The following SGCZ variants were observed in gnomAD, a reference collection of about 807,000 sequenced individuals.
The protein encoded by SGCZ is zeta-sarcoglycan.
In SGCZ, 40 loss-of-function variants were observed where a neutral mutation model predicts 41.3. The observed-to-expected ratio is 0.97, with a 90% confidence interval of 0.75 to 1.26. The LOEUF (loss-of-function observed/expected upper bound fraction) is 1.26. Among genes scored for constraint, SGCZ ranks in the 50% most tolerant of loss-of-function variants. The probability of loss-of-function intolerance (pLI) is 0.00; values close to 1 mark genes in which losing one functional copy is unlikely to be tolerated. For missense variants in SGCZ, 552 were observed against 369.8 expected, an observed-to-expected ratio of 1.49 and a Z score of -4.04; for synonymous variants, 206 against 137.5, an observed-to-expected ratio of 1.50 and a Z score of -3.49.
At chr8:14,887,924 C>G (rs12675317) in intron 1 of SGCZ, among the ~76,000 whole-genome samples, 2 of 152,064 alleles carry the variant, frequency 1.3e-5, no homozygotes, top group East Asian at 3.9e-4. Context: ...AAACTGGGAT[C>G]TGAGGGAAAT....
intron 2 of SGCZ, among the ~76,000 whole-genome samples, chr8:14,496,999 A>T (rs910474463): frequency 1.3e-5 from 2 of 152,176 alleles, no homozygotes; most frequent in African/African-American, 4.8e-5. Flanking sequence ...AAATGAACCC[A>T]CCACATTTTC....
At chr8:14,462,735 T>C (rs1225597947) in intron 2 of SGCZ, among the ~76,000 whole-genome samples, 1 of 151,758 alleles carries the variant, frequency 6.6e-6, no homozygotes, top group Non-Finnish European at 1.5e-5. Flanking sequence ...TTTAGGATTT[T>C]GTTTTCTATT....
chr8:14,220,352 GTATCA>G (rs1806149478), intron 4 of SGCZ, among the ~76,000 whole-genome samples: 1 of 152,080 alleles, frequency 6.6e-6, no homozygotes, highest in East Asian at 1.9e-4. Flanking sequence ...GCAAAATAAT[GTATCA>G]TATGTGAATT....
chr8:14,882,532 T>C (rs960534178), intron 1 of SGCZ, among the ~76,000 whole-genome samples: 7 of 152,162 alleles, frequency 4.6e-5, no homozygotes, highest in Non-Finnish European at 1.5e-5. Flanking sequence ...TGCTATGTAA[T>C]AAAGATATTT....
chr8:14,144,982 A>T (rs556307763), intron 5 of SGCZ, among the ~76,000 whole-genome samples: 1 of 152,222 alleles, frequency 6.6e-6, no homozygotes, highest in African/African-American at 2.4e-5. Flanking sequence ...CACCAGGTAG[A>T]CTTCTAAGGT....
At position 14,696,588 on chromosome 8, in the gene SGCZ, G is replaced by C. The variant is rs185978325; in HGVS notation, c.40-141662C>G. Among the ~76,000 whole-genome samples, 217 of 152,122 alleles carry C rather than the reference G, an allele frequency of 1.4e-3. 1 individual carries two copies. Among genetic ancestry groups the C allele is most frequent in the African/African-American group, 5.0e-3 (206 of 41,528 alleles). On this transcript the variant is annotated intron_variant, in intron 1 of 7. Transcript: ENST00000382080. ...ATACTTATTTCTAACAGTTCTTTTT[G>C]ATGGCCTTTTATTTTCAACATTTAT...
chr8:15,111,684 G>A (rs565008173), intron 1 of SGCZ, among the ~76,000 whole-genome samples: 1 of 152,070 alleles, frequency 6.6e-6, no homozygotes, highest in Non-Finnish European at 1.5e-5. Flanking sequence ...GGCGGATCAC[G>A]AGGTCAAGAG....
intron 3 of SGCZ, among the ~76,000 whole-genome samples, chr8:14,247,052 TGAC>T (rs1799122261): frequency 6.6e-6 from 1 of 152,184 alleles, no homozygotes; most frequent in South Asian, 2.1e-4. Context: ...GCTGTTTACC[TGAC>T]TTCCTTGAAT....
At chr8:14,407,821 C>A (rs951554259) in intron 2 of SGCZ, among the ~76,000 whole-genome samples, 3 of 152,106 alleles carry the variant, frequency 2.0e-5, no homozygotes, top group Non-Finnish European at 4.4e-5. Context: ...TGACCTTATT[C>A]ATTCTTTCCA....
intron 2 of SGCZ, among the ~76,000 whole-genome samples, chr8:14,498,834 C>T (rs1305682957): frequency 2.6e-5 from 4 of 151,470 alleles, no homozygotes; most frequent in Non-Finnish European, 4.4e-5. Flanking sequence ...TATTTTGCAT[C>T]GACCCAGATA....
intron 1 of SGCZ, among the ~76,000 whole-genome samples, chr8:14,773,365 T>A (rs892599207): frequency 6.6e-6 from 1 of 152,170 alleles, no homozygotes; most frequent in South Asian, 2.1e-4. Flanking sequence ...ATCTGACCAC[T>A]ACAACCCAGT....
chr8:14,426,459 C>A, intron 2 of SGCZ, among the ~76,000 whole-genome samples: 1 of 151,818 alleles, frequency 6.6e-6, no homozygotes, highest in East Asian at 1.9e-4. Flanking sequence ...TATGTGTATG[C>A]CACTAGAGAA....
At chr8:14,644,696 C>A (rs574062991) in intron 1 of SGCZ, among the ~76,000 whole-genome samples, 3 of 151,450 alleles carry the variant, frequency 2.0e-5, no homozygotes, top group South Asian at 2.1e-4. Context: ...TTTTAAGAGA[C>A]CAGCCAAAAA....
At chr8:14,180,663 T>A (rs558404514) in intron 4 of SGCZ, among the ~76,000 whole-genome samples, 2 of 152,122 alleles carry the variant, frequency 1.3e-5, no homozygotes, top group Non-Finnish European at 2.9e-5. Context: ...TTAAAATAAG[T>A]CACCTACTAC....
rs141718309 is a variant in SGCZ, at chr8:15,159,311, T to C, written c.39+78274A>G. 8.1e-4 allele frequency among the ~76,000 whole-genome samples: 122 copies of C among 150,772 alleles called. 1 individual carries two copies. Among genetic ancestry groups the C allele is most frequent in the African/African-American group, 2.8e-3 (117 of 41,468 alleles). ...GGTGACTCTTCACATGTATCCTTTC[T>C]AGTATCCTTTATAAGAAACTGAAAA... On this transcript the variant is annotated intron_variant, in intron 1 of 7. Transcript: ENST00000382080.
chr8:14,468,623 AAAT>A (rs1238534069), intron 2 of SGCZ, among the ~76,000 whole-genome samples: 2 of 152,126 alleles, frequency 1.3e-5, no homozygotes, highest in Non-Finnish European at 2.9e-5. Flanking sequence ...ATGAGGATTT[AAAT>A]AATTATCCAT....
chr8:14,342,462 C>A (rs1444224607), intron 2 of SGCZ, among the ~76,000 whole-genome samples: 1 of 152,050 alleles, frequency 6.6e-6, no homozygotes, highest in Non-Finnish European at 1.5e-5. Flanking sequence ...ACTACAGGTG[C>A]CCGCCATCAC....
At chr8:14,722,276 T>C (rs1809911403) in intron 1 of SGCZ, among the ~76,000 whole-genome samples, 1 of 152,162 alleles carries the variant, frequency 6.6e-6, no homozygotes, top group Non-Finnish European at 1.5e-5. Flanking sequence ...TAATTTGCTA[T>C]GTAGGAGAGA....
intron 1 of SGCZ, among the ~76,000 whole-genome samples, chr8:14,624,555 A>ATTATTATTTTTTTTTT (rs1438250019): frequency 7.3e-5 from 7 of 96,262 alleles, no homozygotes; most frequent in Admixed American, 1.3e-4. Flanking sequence ...TATTATTATT[A>ATTATTATTTTTTTTTT]TTTTTTTTTT....
Sources: allele counts gnomAD v4.1 joint callset (sites outside exome capture counted in the v4.1 genomes callset), GRCh38; gene constraint gnomAD v4.1.1; transcripts MANE v1.5; gene names NCBI Gene and HGNC (gene_info 2026-07-23, HGNC 2026-07-21).